Variants in GRIK1 observed in about 807,000 individuals in gnomAD.
The protein encoded by GRIK1 is glutamate receptor ionotropic, kainate 1.
GRIK1 carries 69 observed loss-of-function variants against 105.7 expected under a neutral mutation model. The observed-to-expected ratio is 0.65, with a 90% CI of 0.54 to 0.80. GRIK1 has a LOEUF of 0.80. GRIK1 is among the 30% of genes least tolerant of loss of function. The probability of loss-of-function intolerance (pLI) is 0.00; values close to 1 mark genes in which losing one functional copy is unlikely to be tolerated. For missense variants in GRIK1, 1,109 were observed against 1,167.3 expected, an observed-to-expected ratio of 0.95 and a Z score of 0.73; for synonymous variants, 438 against 431.3, an observed-to-expected ratio of 1.02 and a Z score of -0.19.
At chr21:29,803,923 T>G (rs1043098185) in intron 1 of GRIK1, among the ~76,000 whole-genome samples, 8 of 152,020 alleles carry the variant, frequency 5.3e-5, no homozygotes, top group Admixed American at 1.3e-4. Context: ...GAAGAGATCC[T>G]TTTCTCTTCT....
chr21:29,882,282 G>A (rs2069443545), intron 1 of GRIK1, among the ~76,000 whole-genome samples: 1 of 151,992 alleles, frequency 6.6e-6, no homozygotes, highest in South Asian at 2.1e-4. Context: ...ATTATTCCTA[G>A]GTACCCCTTT....
At chr21:29,770,623 T>C (rs1488819580) in intron 1 of GRIK1, among the ~76,000 whole-genome samples, 1 of 152,246 alleles carries the variant, frequency 6.6e-6, no homozygotes, top group Non-Finnish European at 1.5e-5. Flanking sequence ...ATTACTCAAA[T>C]AAATCTAGTT....
chr21:29,886,500 TGGA>T (rs1281559933), intron 1 of GRIK1, among the ~76,000 whole-genome samples: 2 of 152,234 alleles, frequency 1.3e-5, no homozygotes, highest in East Asian at 3.9e-4. Flanking sequence ...ATTATAAAGA[TGGA>T]GGAGAAGGGC....
intron 16 of GRIK1, among the ~76,000 whole-genome samples, chr21:29,546,741 A>G (rs963455627): frequency 3.9e-5 from 6 of 152,262 alleles, no homozygotes; most frequent in South Asian, 4.1e-4. Context: ...TACATATTCA[A>G]TGAAACATCT....
chr21:29,681,835 T>C (rs1437502746), intron 3 of GRIK1, among the ~76,000 whole-genome samples: 3 of 152,168 alleles, frequency 2.0e-5, no homozygotes, highest in Non-Finnish European at 4.4e-5. Context: ...CAATAAATAT[T>C]TGTGGAATGA....
intron 7 of GRIK1, among the ~76,000 whole-genome samples, chr21:29,602,018 A>G (rs1423242066): frequency 2.6e-5 from 4 of 152,208 alleles, no homozygotes; most frequent in Non-Finnish European, 5.9e-5. Flanking sequence ...ATTCCATCTA[A>G]AAATAGCGAA....
At chr21:29,787,181 T>G (rs2066281859) in intron 1 of GRIK1, among the ~76,000 whole-genome samples, 1 of 152,228 alleles carries the variant, frequency 6.6e-6, no homozygotes, top group Non-Finnish European at 1.5e-5. Flanking sequence ...TATTTCTCAT[T>G]AATCCTGGGA....
chr21:29,853,939 T>C (rs534521428), intron 1 of GRIK1, among the ~76,000 whole-genome samples: 24 of 152,136 alleles, frequency 1.6e-4, no homozygotes, highest in Non-Finnish European at 3.5e-4. Context: ...TGGGTCACAA[T>C]TTTAAATAGG....
intron 11 of GRIK1, among the ~76,000 whole-genome samples, chr21:29,587,961 A>ATTTTTTTT (rs1555842114): frequency 4.5e-4 from 37 of 81,826 alleles, no homozygotes; most frequent in East Asian, 1.0e-3. Context: ...AAACTTTAAA[A>ATTTTTTTT]TTCTTTTTTT....
chr21:29,906,911 T>C (rs1268568787), intron 1 of GRIK1, among the ~76,000 whole-genome samples: 1 of 152,082 alleles, frequency 6.6e-6, no homozygotes, highest in African/African-American at 2.4e-5. Flanking sequence ...TACTATATGG[T>C]GCTTATTGCA....
chr21:29,663,894 G>A (rs2063012104), intron 4 of GRIK1, among the ~76,000 whole-genome samples: 1 of 152,120 alleles, frequency 6.6e-6, no homozygotes, highest in Admixed American at 6.5e-5. Context: ...GAGGGGAAAG[G>A]AACTTGTGGC....
chr21:29,899,959 G>A (rs1030577710), intron 1 of GRIK1, among the ~76,000 whole-genome samples: 9 of 151,870 alleles, frequency 5.9e-5, no homozygotes, highest in Non-Finnish European at 1.0e-4. Flanking sequence ...TACCTTCTAT[G>A]TATTAAGCAC....
chr21:29,910,118 C>T (rs955309547), intron 1 of GRIK1, among the ~76,000 whole-genome samples: 2 of 152,074 alleles, frequency 1.3e-5, no homozygotes, highest in Admixed American at 6.6e-5. Context: ...GCTTATTTCA[C>T]ATTGCCTGTA....
At position 29,908,671 on chromosome 21, in the gene GRIK1, T is replaced by C. The variant is rs1602016098; in HGVS notation, c.118+30712A>G. Among the ~76,000 whole-genome samples, 4 of 152,336 alleles carry C rather than the reference T, an allele frequency of 2.6e-5. No homozygotes were observed. In the South Asian group the frequency reaches 8.3e-4, roughly 32 times the overall value. ...CTGGTCAATGTGATTCATTGTAATA[T>C]AAAATAAAGTATATTTTTCTAGTGT... On this transcript the variant is annotated intron_variant, in intron 1 of 17. Transcript: ENST00000327783.
chr21:29,854,583 A>G lies in GRIK1; in HGVS notation c.118+84800T>C, dbSNP rs548386952. On this transcript the variant is annotated intron_variant, in intron 1 of 17. Transcript: ENST00000327783. Reference sequence around the variant, plus strand: ...ATGAGGTAGACAAAATTCCCAGAGAATGGAGGCACACATGAAGATCATATA... The same window carrying G: ...ATGAGGTAGACAAAATTCCCAGAGAGTGGAGGCACACATGAAGATCATATA... Among the ~76,000 whole-genome samples, 13 of 152,312 alleles carry G rather than the reference A, an allele frequency of 8.5e-5. No individual in the cohort carries two copies. In the South Asian group the frequency reaches 2.5e-3, roughly 29 times the overall value.
intron 1 of GRIK1, among the ~76,000 whole-genome samples, chr21:29,776,128 G>C (rs754104424): frequency 1.2e-4 from 19 of 152,182 alleles, no homozygotes; most frequent in African/African-American, 4.3e-4. Flanking sequence ...CATGAATATA[G>C]CATAGGGGAA....
In GRIK1 at chr21:29,636,715, C is replaced by T. The variant is rs947012081; in HGVS notation, c.1098+6111G>A. The stretch of plus-strand genomic sequence containing the variant: ...AATGGTGATCACTTCTAAACCAAGA[C>T]ATCTGCAATTCTGTCCACATTAATC... On this transcript the variant is annotated intron_variant, in intron 7 of 17. Coordinates refer to ENST00000327783, the MANE Select transcript of GRIK1 (RefSeq NM_001330994.2). Among the ~76,000 whole-genome samples, 8 of 152,308 alleles carry T rather than the reference C, an allele frequency of 5.3e-5. No homozygotes were observed. In the East Asian group the frequency reaches 7.7e-4, roughly 15 times the overall value.
rs1174119181 is a variant in GRIK1 at position 29,863,089 on chromosome 21, T to C, written c.118+76294A>G. ...GTGTCTGTGAATCCATGTACTCAAA[T>C]ATTCTACAAATACTGGACCATAAAA... On this transcript the variant is annotated intron_variant, in intron 1 of 17. Coordinates refer to ENST00000327783, the MANE Select transcript of GRIK1 (RefSeq NM_001330994.2). Among the ~76,000 whole-genome samples the C allele has an allele frequency of 2.0e-5, 3 of 152,376 alleles. No homozygotes were observed. In the East Asian group the frequency reaches 5.8e-4, roughly 29 times the overall value.
chr21:29,903,327 T>A (rs753350606), intron 1 of GRIK1, among the ~76,000 whole-genome samples: 2 of 152,126 alleles, frequency 1.3e-5, no homozygotes, highest in Non-Finnish European at 2.9e-5. Flanking sequence ...AAAGAAATTA[T>A]CATCAGAGTG....
Sources: allele counts gnomAD v4.1 joint callset (sites outside exome capture counted in the v4.1 genomes callset), GRCh38; gene constraint gnomAD v4.1.1; transcripts MANE v1.5; gene names NCBI Gene and HGNC (gene_info 2026-07-23, HGNC 2026-07-21).